KIF21A: variants seen among roughly 807,000 people sequenced by gnomAD.
The protein encoded by KIF21A is kinesin family member 21A.
Under a neutral mutation model 202.9 loss-of-function variants are expected in KIF21A, and 114 were observed. That is an observed-to-expected ratio of 0.56 (90% CI 0.48 to 0.66). The LOEUF (loss-of-function observed/expected upper bound fraction) is 0.66, where lower values mean the gene tolerates loss of function less well. Among genes scored for constraint, KIF21A ranks in the 30% least tolerant of loss-of-function variants. The pLI is 0.00. For synonymous variants in KIF21A, 667 were observed against 670.8 expected (o/e 0.99, Z 0.09); for missense variants, 1,677 against 1,994.9 (o/e 0.84, Z 3.04).
At chr12:39,332,487 C>CCACAAA in intron 20 of KIF21A, 79 bp from the exon 21 acceptor site, 1 of 1,492,854 alleles carries the variant, frequency 6.7e-7, no homozygotes, top group Non-Finnish European at 9.3e-7. Context: ...CCCCACCCCC[C>CCACAAA]AAAAAAAACT....
chr12:39,332,804 C>G, intron 19 of KIF21A, 60 bp from the exon 20 acceptor site: 1 of 1,596,646 alleles, frequency 6.3e-7, no homozygotes, highest in Non-Finnish European at 8.6e-7. Flanking sequence ...TTGTGCACTG[C>G]CAAATAATGA....
intron 36 of KIF21A, among the ~76,000 whole-genome samples, 170 bp from the exon 37 acceptor site, chr12:39,301,849 T>C (rs546100195): frequency 6.6e-6 from 1 of 152,360 alleles, no homozygotes; most frequent in Non-Finnish European, 1.5e-5. Flanking sequence ...AATAAACGGA[T>C]AATTTGCTTC....
chr12:39,319,247 A>G (rs1944933355), intron 28 of KIF21A, among the ~76,000 whole-genome samples: 1 of 152,202 alleles, frequency 6.6e-6, no homozygotes, highest in African/African-American at 2.4e-5. Flanking sequence ...CACATGCAGA[A>G]CAGGTAAACT....
intron 1 of KIF21A, among the ~76,000 whole-genome samples, chr12:39,409,325 G>A (rs1952879659): frequency 6.6e-6 from 1 of 150,758 alleles, no homozygotes; most frequent in African/African-American, 2.4e-5. Flanking sequence ...TTCAAGACCA[G>A]CCTAGGCAAT....
chr12:39,352,330 A>G lies in KIF21A; in HGVS notation c.1470-350T>C, dbSNP rs145741904. On this transcript the variant is annotated intron_variant, in intron 10 of 37. Coordinates refer to ENST00000361418, the MANE Select transcript of KIF21A (RefSeq NM_001173464.2). ...AAAGTTTTCCAAAATGCATTTCAACATGGCTACAAGATAAGGATTTTTAAA... is the reference window on the plus strand; with the variant it reads ...AAAGTTTTCCAAAATGCATTTCAACGTGGCTACAAGATAAGGATTTTTAAA... 9.7e-4 allele frequency among the ~76,000 whole-genome samples: 148 copies of G among 152,304 alleles called. 1 individual carries two copies. Among genetic ancestry groups the G allele is most frequent in the African/African-American group, 3.4e-3 (143 of 41,570 alleles).
At chr12:39,322,575 A>G in intron 27 of KIF21A, 93 bp downstream of exon 27, 2 of 927,314 alleles carry the variant, frequency 2.2e-6, no homozygotes, top group Non-Finnish European at 3.3e-6. Context: ...ATTTATATAA[A>G]TTTTAAATAA....
intron 37 of KIF21A, 140 bp from the exon 38 acceptor site, chr12:39,294,657 A>G: frequency 1.5e-6 from 1 of 677,472 alleles, no homozygotes; most frequent in Non-Finnish European, 2.6e-6. Flanking sequence ...TGTCTCATTT[A>G]TATAGCAAAC....
At position 39,319,950 on chromosome 12, in the gene KIF21A, C is replaced by A; in HGVS notation, c.3735G>T (p.Lys1245Asn). 1 of 1,609,524 alleles carries A rather than the reference C, an allele frequency of 6.2e-7. No individual in the cohort carries two copies. The change falls in exon 28 of 38, where the codon AAG becomes AAT. Residue 1245 changes from lysine to asparagine, a missense_variant. By Grantham distance (94) the Lys-to-Asn change is moderately conservative. Coordinates refer to ENST00000361418, the MANE Select transcript of KIF21A (RefSeq NM_001173464.2). Reference sequence around the variant, plus strand: ...TTGATTTTTCTGCTTTCTCATATGCCTTTCTCCTTGTTACAGGAGAAGGCT... The same window carrying A: ...TTGATTTTTCTGCTTTCTCATATGCATTTCTCCTTGTTACAGGAGAAGGCT... The part of the protein sequence containing the change: ...IPEPSPVTRR[K>N]AYEKAEKSKA...
At chr12:39,319,855 T>C (rs2137654562) in intron 28 of KIF21A, 51 bp downstream of exon 28, 1 of 1,027,792 alleles carries the variant, frequency 9.7e-7, no homozygotes, top group South Asian at 1.3e-5. Flanking sequence ...AGCATCTAAG[T>C]GCAGCAGGCA....
intron 29 of KIF21A, 119 bp from the exon 30 acceptor site, chr12:39,316,089 A>C: frequency 9.2e-6 from 7 of 764,942 alleles, no homozygotes; most frequent in Middle Eastern, 2.3e-4. Flanking sequence ...CATTTCCTTC[A>C]TAGTGCCCTG....
chr12:39,442,809 C>T lies in KIF21A; in HGVS notation c.44+118G>A. On this transcript the variant is annotated intron_variant, in intron 1 of 37. Transcript: ENST00000361418. This position sits in a 1 kb window ranked among gnomAD's most constrained non-coding sequence, Gnocchi z 5.0. ...CCTCAGTTTCCTCAGCCGCAGAACCCGGCCGGGACGCCCCTCAGGTCGCTC... is the reference window on the plus strand; with the variant it reads ...CCTCAGTTTCCTCAGCCGCAGAACCTGGCCGGGACGCCCCTCAGGTCGCTC... 7.7e-7 allele frequency: 1 copy of T among 1,290,436 alleles called. No individual in the cohort carries two copies. The highest frequency in any genetic ancestry group is 1.1e-6 in the Non-Finnish European group (1 of 940,500). The allele number at this position is 1,290,436 out of a possible 1,614,324, so 79.9% of individuals were successfully genotyped here. A position where few individuals can be genotyped will look rare whatever the true frequency, so the allele number is the denominator to read the frequency against.
At chr12:39,305,353 G>A (rs376105824) in intron 34 of KIF21A, among the ~76,000 whole-genome samples, 18 of 140,438 alleles carry the variant, frequency 1.3e-4, no homozygotes, top group African/African-American at 4.0e-4. Flanking sequence ...GCAACAGAGC[G>A]AGAATCCGAC....
intron 1 of KIF21A, among the ~76,000 whole-genome samples, chr12:39,438,725 C>T (rs1404137924): frequency 6.6e-6 from 1 of 152,140 alleles, no homozygotes; most frequent in Non-Finnish European, 1.5e-5. Context: ...CACAAAGGTC[C>T]TTTCTGTATC....
At chr12:39,404,890 A>G (rs543243869) in intron 1 of KIF21A, among the ~76,000 whole-genome samples, 84 of 152,322 alleles carry the variant, frequency 5.5e-4, no homozygotes, top group African/African-American at 1.9e-3. Flanking sequence ...TATTCCAAAT[A>G]GTATATATTC....
intron 37 of KIF21A, among the ~76,000 whole-genome samples, chr12:39,300,017 T>C (rs942841008): frequency 6.6e-6 from 1 of 151,892 alleles, no homozygotes; most frequent in African/African-American, 2.4e-5. Context: ...GCTTAGTACA[T>C]GGGTGATGAA....
chr12:39,427,576 A>G (rs778374681), intron 1 of KIF21A, among the ~76,000 whole-genome samples: 10 of 152,268 alleles, frequency 6.6e-5, no homozygotes, highest in Non-Finnish European at 1.0e-4. Context: ...TAGTAAAAAG[A>G]AAATTATGCA....
At chr12:39,434,315 T>C (rs1191939780) in intron 1 of KIF21A, among the ~76,000 whole-genome samples, 1 of 152,220 alleles carries the variant, frequency 6.6e-6, no homozygotes, top group Non-Finnish European at 1.5e-5. Flanking sequence ...CATTAATCCA[T>C]TAATGAGGGC....
intron 13 of KIF21A, 51 bp from the exon 14 acceptor site, chr12:39,341,673 G>A: frequency 2.6e-6 from 4 of 1,546,686 alleles, no homozygotes; most frequent in Non-Finnish European, 3.5e-6. Context: ...AAAACAAACT[G>A]ACTCCCTCAT....
At position 39,442,061 on chromosome 12, in the gene KIF21A, A is replaced by T. The variant is rs895284178; in HGVS notation, c.44+866T>A. On this transcript the variant is annotated intron_variant, in intron 1 of 37. Transcript: ENST00000361418. This position sits in a 1 kb window ranked among gnomAD's most constrained non-coding sequence, Gnocchi z 5.0. ...TTTCCTTCTTGATAAGTATCAAAAC[A>T]GCCGAAATTACATCGAATACTCGTG... Among the ~76,000 whole-genome samples, 1 of 152,220 alleles carries T rather than the reference A, an allele frequency of 6.6e-6. No individual in the cohort carries two copies. The highest frequency in any genetic ancestry group is 2.1e-4 in the South Asian group (1 of 4,830).
Sources: allele counts gnomAD v4.1 joint callset (sites outside exome capture counted in the v4.1 genomes callset), GRCh38; gene constraint gnomAD v4.1.1; non-coding constraint Gnocchi (gnomAD v3.1); transcripts MANE v1.5; gene names NCBI Gene and HGNC (gene_info 2026-07-23, HGNC 2026-07-21).